Variants in ALK observed in about 807,000 individuals in gnomAD.
ALK encodes the protein ALK receptor tyrosine kinase, also known as ALK tyrosine kinase receptor.
ALK carries 74 observed loss-of-function variants against 163.1 expected under a neutral mutation model. The ratio of observed to expected loss-of-function variants is 0.45; its 90% CI spans 0.38 to 0.55. The LOEUF is 0.55. ALK is among the 20% of genes least tolerant of loss of function. The pLI, the probability that ALK is intolerant of heterozygous loss-of-function variation, is 0.00. For synonymous variants in ALK, 960 were observed against 843.2 expected (o/e 1.14, Z -2.40); for missense variants, 2,063 against 2,105.3 (o/e 0.98, Z 0.39).
At chr2:29,823,384 C>T (rs575802869) in intron 1 of ALK, among the ~76,000 whole-genome samples, 57 of 152,148 alleles carry the variant, frequency 3.7e-4, no homozygotes, top group Middle Eastern at 3.4e-3. Context: ...AATGTGGAAG[C>T]GACTTTGGAA....
intron 1 of ALK, among the ~76,000 whole-genome samples, chr2:29,820,587 A>G (rs1002084489): frequency 1.3e-5 from 2 of 152,218 alleles, no homozygotes; most frequent in Non-Finnish European, 2.9e-5. Flanking sequence ...ACAAAACTGA[A>G]AGAGGATAGG....
intron 1 of ALK, among the ~76,000 whole-genome samples, chr2:29,858,603 C>T (rs1189907084): frequency 2.6e-5 from 4 of 151,654 alleles, no homozygotes; most frequent in South Asian, 2.1e-4. Context: ...ATTAGCCGCT[C>T]GTGGTGGCGC....
chr2:29,570,264 G>A (rs1242480707), intron 3 of ALK, among the ~76,000 whole-genome samples: 2 of 152,218 alleles, frequency 1.3e-5, no homozygotes, highest in African/African-American at 4.8e-5. Context: ...AAATAGGAGC[G>A]ATCAATGCTC....
chr2:29,780,085 G>A (rs1475794986), intron 1 of ALK, among the ~76,000 whole-genome samples: 4 of 152,288 alleles, frequency 2.6e-5, no homozygotes, highest in Admixed American at 6.5e-5. Context: ...GATCTCTACA[G>A]GTGCTCTCAA....
intron 5 of ALK, among the ~76,000 whole-genome samples, chr2:29,379,044 C>G (rs1405783155): frequency 6.6e-6 from 1 of 152,176 alleles, no homozygotes; most frequent in East Asian, 1.9e-4. Flanking sequence ...TTTCAAGAAG[C>G]TAGTCTTTCC....
At chr2:29,302,689 A>T (rs1666404278) in intron 8 of ALK, among the ~76,000 whole-genome samples, 1 of 152,180 alleles carries the variant, frequency 6.6e-6, no homozygotes, top group South Asian at 2.1e-4. Context: ...AAGATTGCAA[A>T]CTGGCAGTCA....
chr2:29,458,987 T>G (rs1367296573), intron 4 of ALK, among the ~76,000 whole-genome samples: 2 of 152,166 alleles, frequency 1.3e-5, no homozygotes, highest in Admixed American at 6.5e-5. Flanking sequence ...TTAATAGGCT[T>G]ATAGGTCACT....
intron 4 of ALK, among the ~76,000 whole-genome samples, chr2:29,505,691 C>A (rs938270345): frequency 2.0e-5 from 3 of 151,678 alleles, no homozygotes; most frequent in East Asian, 1.9e-4. Flanking sequence ...GGGTGCAGGG[C>A]AGCCCAGGGC....
chr2:29,726,416 G>A (rs977515472), intron 1 of ALK, among the ~76,000 whole-genome samples: 1 of 152,090 alleles, frequency 6.6e-6, no homozygotes, highest in Non-Finnish European at 1.5e-5. Flanking sequence ...TACTGAAAGC[G>A]ATACAAAGAC....
At chr2:29,894,177 C>T in intron 1 of ALK, among the ~76,000 whole-genome samples, 1 of 152,164 alleles carries the variant, frequency 6.6e-6, no homozygotes, top group East Asian at 1.9e-4. Flanking sequence ...CATCTGCAAA[C>T]TCTGAGGGCA....
intron 1 of ALK, among the ~76,000 whole-genome samples, chr2:29,849,343 C>T (rs77855523): frequency 6.6e-6 from 1 of 152,232 alleles, no homozygotes; most frequent in African/African-American, 2.4e-5. Flanking sequence ...TGGGACACCA[C>T]TCAGGCAGCT....
chr2:29,652,064 G>A (rs1265772439), intron 3 of ALK, among the ~76,000 whole-genome samples: 1 of 152,146 alleles, frequency 6.6e-6, no homozygotes, highest in African/African-American at 2.4e-5. Context: ...CAGAGAGCTG[G>A]TAAAGGGAAG....
At chr2:29,305,712 T>C (rs1452365004) in intron 8 of ALK, among the ~76,000 whole-genome samples, 1 of 152,136 alleles carries the variant, frequency 6.6e-6, no homozygotes, top group African/African-American at 2.4e-5. Flanking sequence ...ACAGCAGAGG[T>C]CCTCAACCTT....
intron 25 of ALK, among the ~76,000 whole-genome samples, chr2:29,209,501 C>T (rs1187860699): frequency 6.8e-6 from 1 of 146,062 alleles, no homozygotes; most frequent in East Asian, 2.0e-4. Flanking sequence ...GAGTTCGTGC[C>T]ATGGCACTCC....
chr2:29,432,828 C>G (rs994365307), intron 4 of ALK, among the ~76,000 whole-genome samples: 1 of 151,968 alleles, frequency 6.6e-6, no homozygotes, highest in Non-Finnish European at 1.5e-5. Flanking sequence ...ATGTGCTTCA[C>G]CCCCTGTCTT....
At chr2:29,453,020 T>C (rs1423873234) in intron 4 of ALK, among the ~76,000 whole-genome samples, 1 of 152,214 alleles carries the variant, frequency 6.6e-6, no homozygotes, top group African/African-American at 2.4e-5. Flanking sequence ...GAAACGGGAT[T>C]GGCTCCTGAA....
intron 1 of ALK, among the ~76,000 whole-genome samples, chr2:29,877,803 C>T (rs1666761773): frequency 6.6e-6 from 1 of 152,172 alleles, no homozygotes; most frequent in South Asian, 2.1e-4. Context: ...CTTGTGGTTG[C>T]CTCCTGGCTC....
chr2:29,838,737 A>T (rs1286072728), intron 1 of ALK, among the ~76,000 whole-genome samples: 1 of 152,188 alleles, frequency 6.6e-6, no homozygotes, highest in Admixed American at 6.5e-5. Flanking sequence ...TGGGTGAAAA[A>T]TGAATAACAG....
intron 4 of ALK, among the ~76,000 whole-genome samples, chr2:29,521,801 C>T (rs1324670467): frequency 1.3e-5 from 2 of 152,168 alleles, no homozygotes; most frequent in Non-Finnish European, 2.9e-5. Flanking sequence ...CACCCGATTC[C>T]ATCTCCTCAA....
Sources: allele counts gnomAD v4.1 joint callset (sites outside exome capture counted in the v4.1 genomes callset), GRCh38; gene constraint gnomAD v4.1.1; transcripts MANE v1.5; gene names NCBI Gene and HGNC (gene_info 2026-07-23, HGNC 2026-07-21).